Variants in PAN3 observed in about 807,000 individuals in gnomAD.
PAN3 encodes PAN2-PAN3 deadenylation complex subunit PAN3.
PAN3 carries 19 observed loss-of-function variants against 96.2 expected under a neutral mutation model. The ratio of observed to expected loss-of-function variants is 0.20; its 90% CI spans 0.14 to 0.29. The LOEUF is 0.29. Ranked by LOEUF, PAN3 falls within the 10% of genes least tolerant of loss-of-function variation. The pLI is 1.00. For missense variants in PAN3, 882 were observed against 1,108.1 expected (o/e 0.80, Z 2.90); for synonymous variants, 433 against 406.6 (o/e 1.06, Z -0.78).
intron 5 of PAN3, among the ~76,000 whole-genome samples, chr13:28,200,780 A>G (rs1264227907): frequency 1.3e-5 from 2 of 152,184 alleles, no homozygotes; most frequent in East Asian, 3.9e-4. Flanking sequence ...TGAGATATTG[A>G]TAAGACCCAT....
chr13:28,194,466 A>ATATATTTTTTTT (rs1429166016), intron 4 of PAN3, among the ~76,000 whole-genome samples: 1 of 122,132 alleles, frequency 8.2e-6, no homozygotes, highest in African/African-American at 3.6e-5. Context: ...ATATATATAT[A>ATATATTTTTTTT]TTTTTTTTTT....
chr13:28,218,021 G>A (rs1880999575), intron 5 of PAN3, among the ~76,000 whole-genome samples: 1 of 151,748 alleles, frequency 6.6e-6, no homozygotes, highest in Admixed American at 6.6e-5. Context: ...ACTTGTTCTA[G>A]TTACCAGTTT....
At position 28,293,752 on chromosome 13, in the gene PAN3, C is replaced by G. The variant is rs1165493333; in HGVS notation, c.*1230C>G. ...GCAGTTGTCGCCAAACTTGGGTATT[C>G]ATGGAATTTCTAGTAAATGAAATAC... On this transcript the variant is annotated 3_prime_UTR_variant, in exon 19 of 19. Coordinates refer to ENST00000380958, the MANE Select transcript of PAN3 (RefSeq NM_175854.8). 2.0e-5 allele frequency: 3 copies of G among 152,580 alleles called. No homozygotes were observed. The highest frequency in any genetic ancestry group is 4.4e-5 in the Non-Finnish European group (3 of 68,032). The allele number at this position is 152,580 out of a possible 1,614,324, so 9.5% of individuals were successfully genotyped here.
chr13:28,162,125 A>G (rs904276556), intron 1 of PAN3, among the ~76,000 whole-genome samples: 1 of 152,196 alleles, frequency 6.6e-6, no homozygotes, highest in African/African-American at 2.4e-5. Flanking sequence ...TAACACAACA[A>G]CCTTGGAAAG....
At chr13:28,287,127 A>G (rs17618342) in intron 17 of PAN3, among the ~76,000 whole-genome samples, 15,833 of 152,170 alleles carry the variant, frequency 0.1, 1,048 homozygotes, top group Middle Eastern at 0.18. Context: ...TGTCCATGCA[A>G]ATACCGATCT....
rs1870246053 is a variant in PAN3, at chr13:28,144,183, G to GTAA, written c.430+5099_430+5101dup. ...TAGTGGGGCTATAAATATCTATAAG[G>GTAA]TAATACTTGGTTTCGATAAGTTTTT... On this transcript the variant is annotated intron_variant, in intron 1 of 18. Coordinates refer to ENST00000380958, the MANE Select transcript of PAN3 (RefSeq NM_175854.8). Among the ~76,000 whole-genome samples the GTAA allele has an allele frequency of 8.1e-5, 12 of 148,694 alleles. No homozygotes were observed. The South Asian group carries it at 2.6e-3, about 32-fold the overall frequency.
intron 1 of PAN3, among the ~76,000 whole-genome samples, chr13:28,149,167 C>T (rs1348996131): frequency 6.6e-6 from 1 of 151,866 alleles, no homozygotes; most frequent in African/African-American, 2.4e-5. Flanking sequence ...CCAGCCTGGG[C>T]AATGTAGTGA....
intron 3 of PAN3, 134 bp downstream of exon 3, chr13:28,176,693 A>G: frequency 1.2e-6 from 1 of 846,824 alleles, no homozygotes. Flanking sequence ...TTATCTTCCC[A>G]CTCAGATCTA....
At chr13:28,261,240 G>A (rs1310211497) in intron 8 of PAN3, among the ~76,000 whole-genome samples, 161 bp from the exon 9 acceptor site, 1 of 152,074 alleles carries the variant, frequency 6.6e-6, no homozygotes, top group Admixed American at 6.5e-5. Context: ...CTGGAGTTCA[G>A]ACATTTTACC....
At chr13:28,173,996 T>C (rs916011309) in intron 1 of PAN3, among the ~76,000 whole-genome samples, 6 of 152,200 alleles carry the variant, frequency 3.9e-5, no homozygotes, top group Admixed American at 2.6e-4. Flanking sequence ...AAACTGGAAA[T>C]GCAAGTGGTA....
At chr13:28,139,495 C>G (rs929906093) in intron 1 of PAN3, among the ~76,000 whole-genome samples, 3 of 116,550 alleles carry the variant, frequency 2.6e-5, no homozygotes, top group Non-Finnish European at 4.9e-5. Flanking sequence ...TTGAGGTTCC[C>G]TAGTGGGGAG....
chr13:28,245,771 T>C (rs1424463268), intron 6 of PAN3, among the ~76,000 whole-genome samples: 1 of 152,188 alleles, frequency 6.6e-6, no homozygotes, highest in Non-Finnish European at 1.5e-5. Flanking sequence ...TAGAATCATA[T>C]AATATGTGGC....
At chr13:28,185,505 T>C (rs1185354253) in intron 4 of PAN3, among the ~76,000 whole-genome samples, 6 of 152,172 alleles carry the variant, frequency 3.9e-5, no homozygotes, top group Non-Finnish European at 8.8e-5. Context: ...ACCATTTGTT[T>C]TTGTTTAATC....
intron 5 of PAN3, chr13:28,214,404 A>C: frequency 5.9e-6 from 1 of 168,622 alleles, no homozygotes; most frequent in Non-Finnish European, 1.3e-5. Context: ...AAGTATTGAT[A>C]GGTGCAGTGA....
intron 5 of PAN3, among the ~76,000 whole-genome samples, chr13:28,219,556 A>C (rs929958830): frequency 6.6e-6 from 1 of 152,244 alleles, no homozygotes; most frequent in African/African-American, 2.4e-5. Flanking sequence ...AAAGCTAAAA[A>C]TAGCATGCCA....
chr13:28,150,562 G>A (rs1424799501), intron 1 of PAN3, among the ~76,000 whole-genome samples: 2 of 151,434 alleles, frequency 1.3e-5, no homozygotes, highest in Non-Finnish European at 2.9e-5. Context: ...GCATGAACCC[G>A]GGAGGCAGAA....
intron 1 of PAN3, among the ~76,000 whole-genome samples, chr13:28,155,860 GAC>G (rs1428813976): frequency 6.6e-6 from 1 of 152,148 alleles, no homozygotes; most frequent in Non-Finnish European, 1.5e-5. Flanking sequence ...GATGAGAAAA[GAC>G]ACAGATTTTG....
chr13:28,278,066 T>G (rs1006249885), intron 15 of PAN3, among the ~76,000 whole-genome samples: 1 of 152,254 alleles, frequency 6.6e-6, no homozygotes, highest in Non-Finnish European at 1.5e-5. Flanking sequence ...ACCACGACCT[T>G]TATTACAGTT....
At chr13:28,175,984 A>G (rs1228399846) in intron 2 of PAN3, among the ~76,000 whole-genome samples, 2 of 152,186 alleles carry the variant, frequency 1.3e-5, no homozygotes, top group Non-Finnish European at 2.9e-5. Context: ...TGGGCATGGG[A>G]TGAAGGGCCT....
Sources: gnomAD v4.1 joint callset for allele counts (sites outside exome capture counted in the v4.1 genomes callset) on GRCh38, gnomAD v4.1.1 for gene constraint, MANE v1.5 for transcripts, NCBI Gene and HGNC (gene_info 2026-07-23, HGNC 2026-07-21) for gene names.